VAV2: variants seen among roughly 807,000 people sequenced by gnomAD.
VAV2 encodes the protein vav guanine nucleotide exchange factor 2, also known as guanine nucleotide exchange factor VAV2.
In VAV2, 67 loss-of-function variants were observed where a neutral mutation model predicts 132.5. The ratio of observed to expected loss-of-function variants is 0.51; its 90% CI spans 0.42 to 0.62. The LOEUF is 0.62. VAV2 is among the 20% of genes least tolerant of loss of function. VAV2 has a pLI of 0.00. For synonymous variants in VAV2, 492 were observed against 443.5 expected, an observed-to-expected ratio of 1.11 and a Z score of -1.37; for missense variants, 938 against 1,153.6, an observed-to-expected ratio of 0.81 and a Z score of 2.71.
chr9:133,927,638 C>T (rs141739992), intron 2 of VAV2, among the ~76,000 whole-genome samples: 1 of 152,272 alleles, frequency 6.6e-6, no homozygotes, highest in East Asian at 1.9e-4. Flanking sequence ...TGGCCCCACT[C>T]CAAGCGGCCC....
At position 133,834,985 on chromosome 9, in the gene VAV2, G is replaced by A. The variant is rs1010845297; in HGVS notation, c.381-645C>T. Among the ~76,000 whole-genome samples the A allele has an allele frequency of 3.9e-5, 6 of 152,148 alleles. No individual in the cohort carries two copies. Among genetic ancestry groups the A allele is most frequent in the South Asian group, 4.2e-4 (2 of 4,818 alleles). ...GGGTCTCCCCAGAAGGAACGCGGCGGTGCTCCCCCACACTCCGCCCTCCAG... is the reference window on the plus strand; with the variant it reads ...GGGTCTCCCCAGAAGGAACGCGGCGATGCTCCCCCACACTCCGCCCTCCAG... On this transcript the variant is annotated intron_variant, in intron 3 of 29. Transcript: ENST00000371850. The surrounding 1 kb of genome is among the most constrained non-coding windows in gnomAD (Gnocchi z 5.9).
intron 2 of VAV2, among the ~76,000 whole-genome samples, chr9:133,921,281 G>A (rs756225265): frequency 6.6e-5 from 10 of 151,830 alleles, no homozygotes; most frequent in Admixed American, 2.0e-4. Context: ...TGGCAGGAGC[G>A]CCATGTTTGC....
At chr9:133,807,409 G>C in intron 7 of VAV2, 83 bp from the exon 8 acceptor site, 1 of 1,416,366 alleles carries the variant, frequency 7.1e-7, no homozygotes, top group Non-Finnish European at 9.5e-7. Context: ...AGGGTCCCAG[G>C]GCAGCTCCGA....
chr9:133,883,303 G>A lies in VAV2; in HGVS notation c.322-21871C>T, dbSNP rs1330832736. On this transcript the variant is annotated intron_variant, in intron 2 of 29. Coordinates refer to ENST00000371850, the MANE Select transcript of VAV2 (RefSeq NM_001134398.2). This position sits in a 1 kb window ranked among gnomAD's most constrained non-coding sequence, Gnocchi z 4.2. The stretch of plus-strand genomic sequence containing the variant: ...TCTGCACAAATGGCGGACCCACAGA[G>A]GAGCGAAGGCGCAGAGACCCATCCG... 6.6e-6 allele frequency among the ~76,000 whole-genome samples: 1 copy of A among 152,234 alleles called. No individual in the cohort carries two copies. The highest frequency in any genetic ancestry group is 6.5e-5 in the Admixed American group (1 of 15,290).
intron 2 of VAV2, among the ~76,000 whole-genome samples, chr9:133,915,935 G>C (rs1360903801): frequency 1.3e-5 from 2 of 150,528 alleles, no homozygotes; most frequent in Admixed American, 6.6e-5. Flanking sequence ...ACATGCACAC[G>C]ATGTACATGT....
chr9:133,849,994 C>A (rs1837102283), intron 3 of VAV2, among the ~76,000 whole-genome samples: 1 of 152,208 alleles, frequency 6.6e-6, no homozygotes, highest in African/African-American at 2.4e-5. Flanking sequence ...CCATACACCC[C>A]CTTCTCTCAG....
chr9:133,812,179 G>C lies in VAV2; in HGVS notation c.487C>G (p.Pro163Ala). Residue 163 changes from proline to alanine, a missense_variant, in exon 5 of 30, where the codon CCG (proline) becomes GCG (alanine). Physicochemically the swap from Pro to Ala is conservative, Grantham distance 27. Transcript: ENST00000371850. ...ATGTCGTCCCCTCCATCCTCACACG[G>C]GACGCAGTCGTAGATGTCCTCCCCC... is the stretch of plus-strand genomic sequence containing the variant. ...DLGEDIYDCV[P>A]CEDGGDDIYE... 1 of 1,613,974 alleles carries C rather than the reference G, an allele frequency of 6.2e-7. No individual in the cohort carries two copies. The highest frequency in any genetic ancestry group is 1.1e-5 in the South Asian group (1 of 91,082).
chr9:133,979,658 T>C (rs1291802685), intron 1 of VAV2, among the ~76,000 whole-genome samples: 1 of 152,186 alleles, frequency 6.6e-6, no homozygotes. Context: ...CCTCCGGCCA[T>C]GTCCCAGAGC....
chr9:133,966,724 T>TA (rs1299689042), intron 1 of VAV2, among the ~76,000 whole-genome samples: 9 of 146,356 alleles, frequency 6.1e-5, no homozygotes, highest in South Asian at 2.2e-4. Flanking sequence ...ATTTAAAACT[T>TA]TAAAAAAAAA....
chr9:133,900,138 G>T (rs1839385080), intron 2 of VAV2, among the ~76,000 whole-genome samples: 1 of 152,082 alleles, frequency 6.6e-6, no homozygotes, highest in African/African-American at 2.4e-5. Context: ...GATCAAGGCT[G>T]CAATGAGCCA....
intron 2 of VAV2, among the ~76,000 whole-genome samples, chr9:133,924,705 G>C (rs1396199505): frequency 1.3e-5 from 2 of 152,214 alleles, no homozygotes; most frequent in Non-Finnish European, 2.9e-5. Flanking sequence ...CAGCTCCTGG[G>C]ATCCTCATGG....
In VAV2 at chr9:133,788,386, C is replaced by T. The variant is rs761718058; in HGVS notation, c.1375G>A (p.Asp459Asn). 5 of 1,611,208 alleles carry T rather than the reference C, an allele frequency of 3.1e-6. No homozygotes were observed. Among genetic ancestry groups the T allele is most frequent in the Admixed American group, 1.7e-5 (1 of 59,962 alleles). ...IIELLFHKMT[D>N]DPMNNKDVKK... ...ACGTCCTTGTTGTTCATGGGGTCGT[C>T]GGTCATCTTGTGGAACAGCAGCTCG... is the stretch of plus-strand genomic sequence containing the variant. The change falls in exon 15 of 30, where the codon GAC becomes AAC. Residue 459 changes from aspartate (D) to asparagine (N), a missense_variant. Physicochemically the swap from Asp to Asn is conservative, Grantham distance 23. Coordinates refer to ENST00000371850, the MANE Select transcript of VAV2 (RefSeq NM_001134398.2). This position sits in a 1 kb window ranked among gnomAD's most constrained non-coding sequence, Gnocchi z 5.3.
At chr9:133,771,365 G>A (rs990903374) in intron 26 of VAV2, among the ~76,000 whole-genome samples, 1 of 152,094 alleles carries the variant, frequency 6.6e-6, no homozygotes, top group Admixed American at 6.5e-5. Flanking sequence ...CGCTCAGCCC[G>A]AGATTATGGA....
At chr9:133,780,605 A>G (rs55779491) in intron 20 of VAV2, 89 bp downstream of exon 20, 24,676 of 1,273,934 alleles carry the variant, frequency 0.019, 325 homozygotes, top group Admixed American at 0.062. Context: ...TGAGTGGTGA[A>G]AGGCAGACAA....
At chr9:133,871,366 G>A (rs1838033200) in intron 2 of VAV2, among the ~76,000 whole-genome samples, 2 of 151,204 alleles carry the variant, frequency 1.3e-5, no homozygotes, top group Non-Finnish European at 2.9e-5. Flanking sequence ...TGGTAAATGG[G>A]TGGGTGGATG....
intron 3 of VAV2, among the ~76,000 whole-genome samples, chr9:133,859,935 G>A (rs577168153): frequency 2.6e-5 from 4 of 152,300 alleles, no homozygotes; most frequent in African/African-American, 7.2e-5. Flanking sequence ...GGGCACCGGG[G>A]TTTTGACTGC....
At chr9:133,886,815 C>T (rs555261102) in intron 2 of VAV2, among the ~76,000 whole-genome samples, 38 of 152,380 alleles carry the variant, frequency 2.5e-4, no homozygotes, top group Middle Eastern at 3.4e-3. Context: ...AGCACAAAAG[C>T]CTGTGTTCAT....
chr9:133,856,348 T>A (rs1041730433), intron 3 of VAV2, among the ~76,000 whole-genome samples: 7 of 152,116 alleles, frequency 4.6e-5, no homozygotes, highest in Non-Finnish European at 8.8e-5. Flanking sequence ...TGGGCCAGGA[T>A]GAGACAATCA....
chr9:133,937,515 TGCGC>T (rs1200551215), intron 2 of VAV2, among the ~76,000 whole-genome samples: 3 of 139,144 alleles, frequency 2.2e-5, no homozygotes, highest in African/African-American at 7.7e-5. Flanking sequence ...TGAGTGTGTG[TGCGC>T]GTGTGAGAGT....
Sources: gnomAD v4.1 joint callset for allele counts (sites outside exome capture counted in the v4.1 genomes callset) on GRCh38, gnomAD v4.1.1 for gene constraint, Gnocchi (gnomAD v3.1) non-coding constraint, MANE v1.5 for transcripts, NCBI Gene and HGNC (gene_info 2026-07-23, HGNC 2026-07-21) for gene names.